Variants in GPATCH8 observed in about 807,000 individuals in gnomAD.
GPATCH8 encodes the protein G-patch domain containing 8, also known as G patch domain-containing protein 8.
A neutral mutation model predicts 118.3 loss-of-function variants in GPATCH8; 18 were observed. The ratio of observed to expected loss-of-function variants is 0.15; its 90% CI spans 0.11 to 0.23. The LOEUF is 0.23. Among genes scored for constraint, GPATCH8 ranks in the 10% least tolerant of loss-of-function variants. The pLI is 1.00. For missense variants in GPATCH8, 1,631 were observed against 1,873.8 expected (o/e 0.87, Z 2.39); for synonymous variants, 659 against 684.7 (o/e 0.96, Z 0.59).
chr17:44,399,309 G>A lies in GPATCH8; in HGVS notation c.2768C>T (p.Ser923Leu). Residue 923 changes from serine (S) to leucine (L), a missense_variant, in exon 8 of 8, where the codon TCA becomes TTA. Ser to Leu is a moderately radical substitution (Grantham distance 145, BLOSUM62 -2). Coordinates refer to ENST00000591680, the MANE Select transcript of GPATCH8 (RefSeq NM_001002909.4). ...AGAAGATGAATATTTGTGCCGTTTT[G>A]ATCGGTGTTTGGAGCTGGCATAGTC... ...DSDYASSKHRSKRHKYSSSDD... is the reference protein window; with the variant it reads ...DSDYASSKHRLKRHKYSSSDD... 2.5e-6 allele frequency: 4 copies of A among 1,614,032 alleles called. No homozygotes were observed. The South Asian group carries it at 4.4e-5, about 18-fold the overall frequency.
chr17:44,452,913 G>A (rs1025781174), intron 3 of GPATCH8, among the ~76,000 whole-genome samples: 4 of 151,140 alleles, frequency 2.6e-5, no homozygotes, highest in Admixed American at 6.6e-5. Flanking sequence ...CAACCTCGTC[G>A]ACCTTCTGGG....
intron 1 of GPATCH8, among the ~76,000 whole-genome samples, chr17:44,478,688 C>CA (rs879390855): frequency 6.6e-6 from 1 of 151,750 alleles, no homozygotes; most frequent in Non-Finnish European, 1.5e-5. Context: ...AAAAACAAAA[C>CA]AAAAAAACCC....
intron 2 of GPATCH8, chr17:44,474,579 G>A (rs1433701753): frequency 1.2e-5 from 7 of 561,542 alleles, no homozygotes; most frequent in South Asian, 9.4e-5. Context: ...ACAAAGTATC[G>A]GTATGGGCCA....
In GPATCH8 at chr17:44,397,633, GA is replaced by G. The variant is rs1206388004; in HGVS notation, c.4443del (p.His1482ThrfsTer37). The G allele has an allele frequency of 6.2e-7, 1 of 1,613,810 alleles. No homozygotes were observed. Among genetic ancestry groups the G allele is most frequent in the African/African-American group, 1.3e-5 (1 of 75,042 alleles). ...GAGAAGATGGGGTGAAGTAGTGGGTGAAGGTGAAGTGCAGTGGCAGCTGCTG... is the reference window on the plus strand; with the variant it reads ...GAGAAGATGGGGTGAAGTAGTGGGTGAGGTGAAGTGCAGTGGCAGCTGCTG... ...PAAAAATALH[L>X]HPLLHPIFSG... On this transcript the variant is annotated frameshift_variant, in exon 8 of 8. Transcript: ENST00000591680. LOFTEE classifies it high-confidence loss of function.
intron 3 of GPATCH8, among the ~76,000 whole-genome samples, chr17:44,452,420 T>C (rs1162784341): frequency 2.0e-5 from 3 of 152,014 alleles, no homozygotes; most frequent in African/African-American, 7.2e-5. Context: ...CAGTAAACAC[T>C]TAATAAATGA....
chr17:44,494,607 A>C (rs1969523968), intron 1 of GPATCH8, among the ~76,000 whole-genome samples: 1 of 152,142 alleles, frequency 6.6e-6, no homozygotes, highest in Non-Finnish European at 1.5e-5. Flanking sequence ...TAAAAGAAAG[A>C]AATCACATGG....
chr17:44,410,688 TTC>T (rs1333940099), intron 6 of GPATCH8, among the ~76,000 whole-genome samples: 3 of 152,236 alleles, frequency 2.0e-5, no homozygotes, highest in African/African-American at 7.2e-5. Flanking sequence ...GATATGAAGA[TTC>T]TGTTTTCCTG....
Position 44,485,512 on chromosome 17 carries a change from C to T in GPATCH8, c.46-10609G>A, listed in dbSNP as rs983590718. Among the ~76,000 whole-genome samples, 8 of 152,144 alleles carry T rather than the reference C, an allele frequency of 5.3e-5. No individual in the cohort carries two copies. The South Asian group carries it at 1.0e-3, about 20-fold the overall frequency. ...CACAATCTCGACTCACTGCAGACTC[C>T]GTCTCCTGAGCTCAAACGATCCTCC... On this transcript the variant is annotated intron_variant, in intron 1 of 7. Transcript: ENST00000591680.
intron 6 of GPATCH8, among the ~76,000 whole-genome samples, chr17:44,411,006 T>C (rs2049409074): frequency 6.6e-6 from 1 of 152,238 alleles, no homozygotes; most frequent in Admixed American, 6.5e-5. Flanking sequence ...ATTGCTCTAC[T>C]ATCACTGAAA....
rs1228685621 is a variant in GPATCH8, at chr17:44,398,935, C to T, written c.3142G>A (p.Gly1048Arg). Residue 1048 changes from glycine (G) to arginine (R), a missense_variant, in exon 8 of 8, where the codon GGG (glycine) becomes AGG (arginine). By Grantham distance (125) the Gly-to-Arg change is moderately radical. Coordinates refer to ENST00000591680, the MANE Select transcript of GPATCH8 (RefSeq NM_001002909.4). ...YFRSGRGEGPGKKDDGRGDDS... is the reference protein window; with the variant it reads ...YFRSGRGEGPRKKDDGRGDDS... ...TCTCCTCTGCCATCATCTTTCTTCC[C>T]AGGACCTTCTCCCCGGCCTGATCGG... The T allele has an allele frequency of 4.3e-6, 7 of 1,614,064 alleles. No individual in the cohort carries two copies. Among genetic ancestry groups the T allele is most frequent in the Non-Finnish European group, 5.9e-6 (7 of 1,180,040 alleles).
chr17:44,442,213 TA>T (rs202099152), intron 3 of GPATCH8, among the ~76,000 whole-genome samples: 3,077 of 132,138 alleles, frequency 0.023, 123 homozygotes, highest in African/African-American at 0.082. Context: ...AGTGATGATG[TA>T]AAAAAAAAAA....
intron 3 of GPATCH8, among the ~76,000 whole-genome samples, chr17:44,454,053 ATCAG>A (rs374906371): frequency 1.6e-4 from 24 of 152,310 alleles, no homozygotes; most frequent in African/African-American, 5.3e-4. Flanking sequence ...CCTTGTATAC[ATCAG>A]TATCTCCTAT....
chr17:44,469,487 T>C (rs1444484690), intron 2 of GPATCH8, among the ~76,000 whole-genome samples: 2 of 152,192 alleles, frequency 1.3e-5, no homozygotes, highest in African/African-American at 2.4e-5. Context: ...AAACGGCCTA[T>C]TATGTCTCAA....
chr17:44,453,670 G>GCA (rs1156230083), intron 3 of GPATCH8, among the ~76,000 whole-genome samples: 2 of 151,996 alleles, frequency 1.3e-5, no homozygotes, highest in Admixed American at 6.6e-5. Flanking sequence ...GACTAAGGGT[G>GCA]CACATCACCA....
intron 3 of GPATCH8, among the ~76,000 whole-genome samples, chr17:44,457,883 C>A (rs35881116): frequency 0.033 from 4,968 of 151,990 alleles, 257 homozygotes; most frequent in African/African-American, 0.11. Flanking sequence ...AGATGGAGAC[C>A]ATCCTGGCTA....
At chr17:44,408,492 A>G (rs776690882) in intron 6 of GPATCH8, among the ~76,000 whole-genome samples, 1 of 152,212 alleles carries the variant, frequency 6.6e-6, no homozygotes, top group Non-Finnish European at 1.5e-5. Context: ...CATATACATT[A>G]TGGCCTGCCA....
At chr17:44,418,910 A>G (rs761715405) in intron 6 of GPATCH8, among the ~76,000 whole-genome samples, 1 of 152,256 alleles carries the variant, frequency 6.6e-6, no homozygotes, top group South Asian at 2.1e-4. Context: ...AAACTACTGA[A>G]AAGAGCCAAA....
At position 44,398,694 on chromosome 17, in the gene GPATCH8, T is replaced by G; in HGVS notation, c.3383A>C (p.Gln1128Pro). ...KAGPKLKDPP[Q>P]GYFGPKLPPS... ...GGGGAGCTTGGGCCCAAAGTAACCT[T>G]GTGGGGGGTCCTTGAGCTTGGGCCC... Residue 1128 changes from glutamine (Q) to proline (P), a missense_variant, in exon 8 of 8, where the codon CAA becomes CCA. Around this residue, in one of 8 missense-constraint regions of GPATCH8, gnomAD observed 922 missense variants for 879.7 expected, o/e 1.05. Coordinates refer to ENST00000591680, the MANE Select transcript of GPATCH8 (RefSeq NM_001002909.4). 1.3e-6 allele frequency: 2 copies of G among 1,591,340 alleles called. No individual in the cohort carries two copies. Among genetic ancestry groups the G allele is most frequent in the Non-Finnish European group, 1.7e-6 (2 of 1,167,250 alleles).
At chr17:44,425,606 G>A (rs923041872) in intron 5 of GPATCH8, among the ~76,000 whole-genome samples, 3 of 152,190 alleles carry the variant, frequency 2.0e-5, no homozygotes, top group Admixed American at 2.0e-4. Flanking sequence ...ATGGCTCACT[G>A]CAGTCTTCAC....
Sources: gnomAD v4.1 joint callset for allele counts (sites outside exome capture counted in the v4.1 genomes callset) on GRCh38, gnomAD v4.1.1 for gene constraint, gnomAD v4.1.1 regional missense constraint, MANE v1.5 for transcripts, NCBI Gene and HGNC (gene_info 2026-07-23, HGNC 2026-07-21) for gene names.